The following BRD10 variants were observed in gnomAD, a reference collection of about 807,000 sequenced individuals.
The protein encoded by BRD10 is bromodomain containing 10.
chr9:5,908,911 A>C, the BRD10 span: 1 of 553,360 alleles, frequency 1.8e-6, no homozygotes, highest in Non-Finnish European at 3.2e-6. Flanking sequence ...TAAATTGGGA[A>C]AACTCCATCA....
At chr9:6,000,989 C>G in the BRD10 span, among the ~76,000 whole-genome samples, 1 of 152,150 alleles carries the variant, frequency 6.6e-6, no homozygotes, top group Non-Finnish European at 1.5e-5. Flanking sequence ...TGCTGGACTC[C>G]ACATGCACTC....
At chr9:5,893,645 T>C in the BRD10 span, among the ~76,000 whole-genome samples, 72 of 152,322 alleles carry the variant, frequency 4.7e-4, 1 homozygote, top group African/African-American at 1.7e-3. Flanking sequence ...AGTTAGGGTA[T>C]CGTTTCAGCT....
the BRD10 span, chr9:5,891,298 T>A: frequency 6.6e-6 from 1 of 152,326 alleles, no homozygotes; most frequent in Non-Finnish European, 1.5e-5. Flanking sequence ...GGCTCTGAGT[T>A]TGAGGTATGG....
chr9:5,996,818 A>C, the BRD10 span, among the ~76,000 whole-genome samples: 1 of 152,192 alleles, frequency 6.6e-6, no homozygotes, highest in Non-Finnish European at 1.5e-5. Flanking sequence ...TGCTGAACAT[A>C]CTACTACTGC....
chr9:5,951,320 T>C, the BRD10 span, among the ~76,000 whole-genome samples: 3 of 57,360 alleles, frequency 5.2e-5, no homozygotes, highest in Admixed American at 1.9e-4. Flanking sequence ...TAAAAACTCA[T>C]TAGGACTTAA....
At chr9:5,978,141 G>C in the BRD10 span, among the ~76,000 whole-genome samples, 1 of 151,868 alleles carries the variant, frequency 6.6e-6, no homozygotes, top group Admixed American at 6.6e-5. Flanking sequence ...TCTCATTTTT[G>C]ATGTTGCTCC....
the BRD10 span, chr9:6,007,999 GGA>G: frequency 1.6e-6 from 2 of 1,265,608 alleles, no homozygotes; most frequent in Non-Finnish European, 2.0e-6. Flanking sequence ...CGAGGAGGGG[GGA>G]GAGAAGAGGA....
chr9:6,005,802 A>G, the BRD10 span, among the ~76,000 whole-genome samples: 1 of 152,248 alleles, frequency 6.6e-6, no homozygotes, highest in African/African-American at 2.4e-5. Flanking sequence ...CACTACAGAA[A>G]TACAAAATTA....
the BRD10 span, among the ~76,000 whole-genome samples, chr9:5,947,678 A>G: frequency 1.3e-5 from 2 of 152,196 alleles, no homozygotes; most frequent in South Asian, 4.1e-4. Flanking sequence ...TAGGAACACA[A>G]TTAGTTTGAC....
the BRD10 span, among the ~76,000 whole-genome samples, chr9:5,932,245 A>G: frequency 2.0e-5 from 3 of 152,174 alleles, no homozygotes; most frequent in Non-Finnish European, 4.4e-5. Context: ...AACTTTATTC[A>G]TATACACGGA....
the BRD10 span, among the ~76,000 whole-genome samples, chr9:5,955,872 C>A: frequency 6.6e-6 from 1 of 152,084 alleles, no homozygotes; most frequent in Admixed American, 6.5e-5. Flanking sequence ...TGATTAAATT[C>A]TTGATATCTC....
At chr9:5,960,499 T>C in the BRD10 span, among the ~76,000 whole-genome samples, 8 of 150,256 alleles carry the variant, frequency 5.3e-5, no homozygotes, top group Non-Finnish European at 1.0e-4. Flanking sequence ...GAGGTGGAGG[T>C]TGCAGTGAGC....
At chr9:6,002,415 A>G in the BRD10 span, among the ~76,000 whole-genome samples, 1 of 152,134 alleles carries the variant, frequency 6.6e-6, no homozygotes, top group Non-Finnish European at 1.5e-5. Context: ...ATTACCAAAG[A>G]TCCCCAATTT....
chr9:5,885,257 A>G, the BRD10 span, among the ~76,000 whole-genome samples: 6 of 152,154 alleles, frequency 3.9e-5, no homozygotes, highest in Non-Finnish European at 7.4e-5. Context: ...TCATAGGCTC[A>G]CCCCAAGGAC....
the BRD10 span, among the ~76,000 whole-genome samples, chr9:5,888,884 A>G: frequency 6.6e-6 from 1 of 152,228 alleles, no homozygotes; most frequent in African/African-American, 2.4e-5. Flanking sequence ...TATTCTACAC[A>G]ACAACAAGGA....
At chr9:5,919,705 C>A in the BRD10 span, 1 of 1,610,360 alleles carries the variant, frequency 6.2e-7, no homozygotes, top group Non-Finnish European at 8.5e-7. Flanking sequence ...CTCTGTCAGG[C>A]TTCTCTAAGC....
At chr9:5,906,358 GA>G in the BRD10 span, among the ~76,000 whole-genome samples, 1 of 148,112 alleles carries the variant, frequency 6.8e-6, no homozygotes, top group Non-Finnish European at 1.5e-5. Context: ...GAAAAGAAAA[GA>G]AAAAAAAAGT....
chr9:6,007,144 G>A, the BRD10 span: 5 of 1,552,854 alleles, frequency 3.2e-6, no homozygotes, highest in Admixed American at 6.9e-5. Context: ...GCACGTGTGA[G>A]TGTGTGTTTG....
the BRD10 span, among the ~76,000 whole-genome samples, chr9:5,900,242 T>G: frequency 6.6e-6 from 1 of 152,174 alleles, no homozygotes; most frequent in African/African-American, 2.4e-5. Flanking sequence ...ACATTTTGCT[T>G]GGTAAGTTTC....
Sources: allele counts gnomAD v4.1 joint callset (sites outside exome capture counted in the v4.1 genomes callset), GRCh38; gene constraint gnomAD v4.1.1; transcripts MANE v1.5; gene names NCBI Gene and HGNC (gene_info 2026-07-23, HGNC 2026-07-21).